The following CSNK1G2 variants were observed in gnomAD, a reference collection of about 807,000 sequenced individuals.
CSNK1G2 encodes casein kinase I isoform gamma-2.
A neutral mutation model predicts 48.0 loss-of-function variants in CSNK1G2; 11 were observed. That is an observed-to-expected ratio of 0.23 (90% CI 0.14 to 0.38). The LOEUF is 0.38. Among genes scored for constraint, CSNK1G2 ranks in the 10% least tolerant of loss-of-function variants. The pLI is 1.00. For missense variants in CSNK1G2, 446 were observed against 595.5 expected (o/e 0.75, Z 2.61); for synonymous variants, 337 against 254.1 (o/e 1.33, Z -3.10).
At chr19:1,945,328 G>A (rs369320363) in intron 1 of CSNK1G2, among the ~76,000 whole-genome samples, 29 of 150,370 alleles carry the variant, frequency 1.9e-4, no homozygotes, top group African/African-American at 6.8e-4. Context: ...CTGACTGTTC[G>A]GGGCACGCGT....
intron 1 of CSNK1G2, among the ~76,000 whole-genome samples, chr19:1,944,910 G>C (rs1283867544): frequency 6.6e-6 from 1 of 152,226 alleles, no homozygotes; most frequent in Non-Finnish European, 1.5e-5. Context: ...AGTGGGGCAG[G>C]AACCTCTAGC....
At chr19:1,956,842 A>G (rs2015016839) in intron 1 of CSNK1G2, among the ~76,000 whole-genome samples, 1 of 152,220 alleles carries the variant, frequency 6.6e-6, no homozygotes, top group Non-Finnish European at 1.5e-5. Flanking sequence ...AGAGAGCCCC[A>G]GGAGGCTCGT....
chr19:1,979,431 T>TGG, intron 8 of CSNK1G2, 28 bp downstream of exon 8: 1 of 938,052 alleles, frequency 1.1e-6, no homozygotes, highest in African/African-American at 1.8e-5. Flanking sequence ...CCCCGCCCTG[T>TGG]GCCCCCCACC....
intron 2 of CSNK1G2, chr19:1,975,291 G>A (rs578135101): frequency 8.5e-5 from 84 of 985,492 alleles, no homozygotes; most frequent in Middle Eastern, 5.2e-4. Context: ...GCAGAGGGAC[G>A]GTGTAGCACA....
At chr19:1,947,058 C>G (rs1207312730) in intron 1 of CSNK1G2, among the ~76,000 whole-genome samples, 1 of 152,196 alleles carries the variant, frequency 6.6e-6, no homozygotes, top group African/African-American at 2.4e-5. Context: ...CCGGCCCTAT[C>G]GCTATTTAAA....
chr19:1,968,612 C>T (rs1351901022), intron 1 of CSNK1G2, among the ~76,000 whole-genome samples: 3 of 152,202 alleles, frequency 2.0e-5, no homozygotes, highest in Non-Finnish European at 2.9e-5. Flanking sequence ...GCAGACTCAG[C>T]GAGGGGCTGT....
At chr19:1,942,913 G>A (rs2014421806) in intron 1 of CSNK1G2, among the ~76,000 whole-genome samples, 1 of 152,178 alleles carries the variant, frequency 6.6e-6, no homozygotes. Context: ...TTCCCAGGCA[G>A]GCAGCCCCCG....
In CSNK1G2 at chr19:1,978,939, G is replaced by A. The variant is rs755824841; in HGVS notation, c.528G>A (p.Pro176=). ...VKPENFLVGR[P]GTKRQHAIHI... is the part of the protein sequence containing the mutation. The stretch of plus-strand genomic sequence containing the variant: ...CCGAGAACTTCCTGGTGGGCCGCCC[G>A]GGGACCAAGCGGCAGCATGCCATCC... Residue 176 remains proline (P), a synonymous_variant, in exon 6 of 12, where the codon CCG becomes CCA. Transcript: ENST00000255641. The surrounding 1 kb of genome is among the most constrained non-coding windows in gnomAD (Gnocchi z 7.3). The A allele has an allele frequency of 6.2e-6, 10 of 1,601,630 alleles. No homozygotes were observed. Among genetic ancestry groups the A allele is most frequent in the African/African-American group, 2.7e-5 (2 of 74,868 alleles).
intron 1 of CSNK1G2, chr19:1,952,834 C>G (rs758476608): frequency 2.9e-6 from 1 of 341,972 alleles, no homozygotes; most frequent in African/African-American, 2.3e-5. Context: ...GGGAGTTAGG[C>G]CGAACCCTGC....
At chr19:1,956,369 T>G (rs1421049057) in intron 1 of CSNK1G2, among the ~76,000 whole-genome samples, 1 of 152,162 alleles carries the variant, frequency 6.6e-6, no homozygotes, top group African/African-American at 2.4e-5. Flanking sequence ...TGAGCCAAGA[T>G]CAGACGGCAT....
At chr19:1,967,298 T>C (rs1030537410) in intron 1 of CSNK1G2, among the ~76,000 whole-genome samples, 3 of 152,184 alleles carry the variant, frequency 2.0e-5, no homozygotes, top group Middle Eastern at 3.2e-3. Flanking sequence ...CCTAACATTT[T>C]CGGCGATGGC....
At chr19:1,956,374 C>T (rs76790164) in intron 1 of CSNK1G2, among the ~76,000 whole-genome samples, 76 of 152,336 alleles carry the variant, frequency 5.0e-4, no homozygotes, top group African/African-American at 1.6e-3. Context: ...CAAGATCAGA[C>T]GGCATGGTGC....
intron 1 of CSNK1G2, among the ~76,000 whole-genome samples, chr19:1,949,635 CG>C (rs890106007): frequency 2.2e-4 from 34 of 152,238 alleles, no homozygotes; most frequent in African/African-American, 8.2e-4. Context: ...GGACTTCTAG[CG>C]GTGGAACCGC....
At chr19:1,959,078 G>A (rs2015104524) in intron 1 of CSNK1G2, among the ~76,000 whole-genome samples, 1 of 151,108 alleles carries the variant, frequency 6.6e-6, no homozygotes, top group Non-Finnish European at 1.5e-5. Context: ...GTGACACTCG[G>A]GCTGTACCCG....
At chr19:1,976,747 T>G (rs1303345007) in intron 2 of CSNK1G2, among the ~76,000 whole-genome samples, 1 of 151,880 alleles carries the variant, frequency 6.6e-6, no homozygotes, top group Non-Finnish European at 1.5e-5. Context: ...CTTTCTTTTT[T>G]TTTTTTTTTG....
At chr19:1,966,429 C>T (rs142973397) in intron 1 of CSNK1G2, among the ~76,000 whole-genome samples, 2 of 152,236 alleles carry the variant, frequency 1.3e-5, no homozygotes, top group East Asian at 1.9e-4. Flanking sequence ...GTCGCTGTCT[C>T]GCGAGAAAAC....
At chr19:1,958,407 G>T (rs1198315932) in intron 1 of CSNK1G2, among the ~76,000 whole-genome samples, 2 of 151,746 alleles carry the variant, frequency 1.3e-5, no homozygotes, top group African/African-American at 4.8e-5. Flanking sequence ...CTCCTGCTAG[G>T]TGTCTAGAGG....
intron 1 of CSNK1G2, among the ~76,000 whole-genome samples, chr19:1,956,207 GAGCAGTGGGGCCCTAGACCC>G (rs1215637950): frequency 6.6e-6 from 1 of 152,172 alleles, no homozygotes; most frequent in Non-Finnish European, 1.5e-5. Flanking sequence ...GGGATGCCAG[GAGCAGTGGGGCCCTAGACCC>G]AGCAGTGGGT....
chr19:1,980,105 G>A (rs777995595), intron 11 of CSNK1G2, 44 bp from the exon 12 acceptor site: 26 of 1,610,284 alleles, frequency 1.6e-5, no homozygotes, highest in Non-Finnish European at 2.0e-5. Flanking sequence ...GGCTGCCCCC[G>A]CCCTGCACCC....
Sources: gnomAD v4.1 joint callset for allele counts (sites outside exome capture counted in the v4.1 genomes callset) on GRCh38, gnomAD v4.1.1 for gene constraint, Gnocchi (gnomAD v3.1) non-coding constraint, MANE v1.5 for transcripts, NCBI Gene and HGNC (gene_info 2026-07-23, HGNC 2026-07-21) for gene names.